TRIP12: variants seen among roughly 807,000 people sequenced by gnomAD.
TRIP12 encodes the protein E3 ubiquitin-protein ligase TRIP12.
TRIP12 carries 25 observed loss-of-function variants against 244.2 expected under a neutral mutation model. That is an observed-to-expected ratio of 0.10 (90% CI 0.07 to 0.14). The LOEUF (loss-of-function observed/expected upper bound fraction) is 0.14, where lower values mean the gene tolerates loss of function less well. Among genes scored for constraint, TRIP12 ranks in the 10% least tolerant of loss-of-function variants. TRIP12 has a pLI of 1.00. For missense variants in TRIP12, 1,677 were observed against 2,486.4 expected, an observed-to-expected ratio of 0.67 and a Z score of 6.92; for synonymous variants, 905 against 873.1, an observed-to-expected ratio of 1.04 and a Z score of -0.64.
At chr2:229,777,518 G>A (rs2036641865) in intron 36 of TRIP12, 39 bp from the exon 37 acceptor site, 2 of 1,605,878 alleles carry the variant, frequency 1.2e-6, no homozygotes, top group Admixed American at 1.7e-5. Context: ...CTGTCACACT[G>A]AACTTCCAGC....
At position 229,788,862 on chromosome 2, in the gene TRIP12, G is replaced by T; in HGVS notation, c.4774C>A (p.Gln1592Lys). ...CCTGTCATGATTACTAAAGGATCTT[G>T]AAGTTGCCTATTTGCTTTTGCTGTT... ...KLTAKANRQL[Q>K]DPLVIMTGNI... Residue 1592 changes from glutamine (Q) to lysine (K), a missense_variant, in exon 32 of 42, where the codon CAA becomes AAA. Physicochemically the swap from Gln to Lys is moderately conservative, Grantham distance 53 (BLOSUM62 1). This residue lies in a region of TRIP12 where 265 missense variants were observed against 370.8 expected (regional missense o/e 0.71). Coordinates refer to ENST00000675903, the MANE Select transcript of TRIP12 (RefSeq NM_001348323.3). 1 of 1,613,864 alleles carries T rather than the reference G, an allele frequency of 6.2e-7. No homozygotes were observed. Among genetic ancestry groups the T allele is most frequent in the Non-Finnish European group, 8.5e-7 (1 of 1,179,958 alleles).
chr2:229,834,465 C>T (rs530020447), intron 6 of TRIP12, among the ~76,000 whole-genome samples: 11 of 152,164 alleles, frequency 7.2e-5, no homozygotes, highest in Non-Finnish European at 1.5e-4. Flanking sequence ...TCCAAATCTA[C>T]GAATGCATAG....
intron 34 of TRIP12, among the ~76,000 whole-genome samples, chr2:229,782,239 ATC>A (rs144481275): frequency 0.011 from 1,643 of 152,070 alleles, 13 homozygotes; most frequent in Admixed American, 0.023. Context: ...AAAAATCCGT[ATC>A]TCTTATGCCA....
In TRIP12 at chr2:229,805,222, AAAC is replaced by A. The variant is rs1297499840; in HGVS notation, c.2650+505_2650+507del. On this transcript the variant is annotated intron_variant, in intron 18 of 41. Coordinates refer to ENST00000675903, the MANE Select transcript of TRIP12 (RefSeq NM_001348323.3). Reference sequence around the variant, plus strand: ...GCCCAGCACTACCTGGCCCTTTTCAAAACAACAACAACAACAACAACAACAAAA... The same window carrying A: ...GCCCAGCACTACCTGGCCCTTTTCAAAACAACAACAACAACAACAACAAAA... Among the ~76,000 whole-genome samples, 938 of 149,476 alleles carry A rather than the reference AAAC, an allele frequency of 6.3e-3. 9 individuals are homozygous for A. The highest frequency in any genetic ancestry group is 0.022 in the African/African-American group (877 of 40,448).
At chr2:229,872,129 AAAAG>A (rs1218829293) in intron 2 of TRIP12, among the ~76,000 whole-genome samples, 7 of 149,158 alleles carry the variant, frequency 4.7e-5, no homozygotes, top group African/African-American at 1.7e-4. Flanking sequence ...AAAAAAAAAA[AAAAG>A]AAGCCTATAT....
rs1401043480 is a variant in TRIP12, at chr2:229,873,052, T to C, written c.98+6930A>G. On this transcript the variant is annotated intron_variant, in intron 2 of 41. Transcript: ENST00000675903. ...AAAAAAATAATAGAAGGAGACTGCA[T>C]CAAAAATTATTCTCAGCCAGACTCA... 3.9e-5 allele frequency among the ~76,000 whole-genome samples: 6 copies of C among 152,284 alleles called. No individual in the cohort carries two copies. In the East Asian group the frequency reaches 5.8e-4, roughly 15 times the overall value.
chr2:229,879,486 A>G (rs990780307), intron 2 of TRIP12, among the ~76,000 whole-genome samples: 1 of 152,240 alleles, frequency 6.6e-6, no homozygotes, highest in African/African-American at 2.4e-5. Context: ...CACTAAAAAC[A>G]TAAGACAACT....
chr2:229,855,102 C>T (rs1292954112), intron 4 of TRIP12, among the ~76,000 whole-genome samples: 1 of 152,010 alleles, frequency 6.6e-6, no homozygotes, highest in Non-Finnish European at 1.5e-5. Context: ...CATCTCTATA[C>T]TAAAATCACA....
chr2:229,774,829 T>TA (rs759853277), intron 37 of TRIP12, among the ~76,000 whole-genome samples: 580 of 132,996 alleles, frequency 4.4e-3, no homozygotes, highest in African/African-American at 6.1e-3. Context: ...CACTGTGATC[T>TA]AAAAAAAAAA....
At position 229,788,985 on chromosome 2, in the gene TRIP12, T is replaced by C. The variant is rs367647892; in HGVS notation, c.4696-45A>G. On this transcript the variant is annotated intron_variant, in intron 31 of 41. Transcript: ENST00000675903. ...AAAAAAGTCTACATGTAGTAAAATA[T>C]TAGGATTATATTCACAATCTCTTCC... The C allele has an allele frequency of 1.8e-5, 28 of 1,529,052 alleles. No homozygotes were observed. The African/African-American group carries it at 3.6e-4, about 20-fold the overall frequency. The allele number at this position is 1,529,052 out of a possible 1,614,324, so 94.7% of individuals were successfully genotyped here. A position where few individuals can be genotyped will look rare whatever the true frequency, so the allele number is the denominator to read the frequency against.
At chr2:229,796,520 C>T in intron 25 of TRIP12, 71 bp downstream of exon 25, 1 of 1,325,648 alleles carries the variant, frequency 7.5e-7, no homozygotes. Context: ...GAAATTATTA[C>T]TGAGATGAAA....
At chr2:229,907,023 A>G (rs182522236) in intron 1 of TRIP12, among the ~76,000 whole-genome samples, 36 of 152,306 alleles carry the variant, frequency 2.4e-4, no homozygotes, top group Non-Finnish European at 1.5e-5. Flanking sequence ...TAAGTGTGTA[A>G]TCTGGGTCAG....
chr2:229,766,800 A>G lies in TRIP12; in HGVS notation c.*754T>C, dbSNP rs1047621959. The G allele has an allele frequency of 6.6e-6, 1 of 152,222 alleles. No individual in the cohort carries two copies. The highest frequency in any genetic ancestry group is 6.5e-5 in the Admixed American group (1 of 15,282). 9.4% of individuals were successfully genotyped at this position (152,222 alleles called of 1,614,324 possible). A position where few individuals can be genotyped will look rare whatever the true frequency, so the allele number is the denominator to read the frequency against. ...GCTGTTGCTGCTGGAATTGCCATGT[A>G]AACAGTCCTTAGTGTGTCACCTGGG... On this transcript the variant is annotated 3_prime_UTR_variant, in exon 42 of 42. Transcript: ENST00000675903.
At chr2:229,803,544 A>AATGACT in intron 20 of TRIP12, 27 bp downstream of exon 20, 1 of 1,429,942 alleles carries the variant, frequency 7.0e-7, no homozygotes, top group Non-Finnish European at 9.8e-7. Flanking sequence ...ATCTAGACTA[A>AATGACT]ATGACTATTA....
At chr2:229,844,582 A>G (rs968460064) in intron 4 of TRIP12, among the ~76,000 whole-genome samples, 30 of 152,218 alleles carry the variant, frequency 2.0e-4, no homozygotes, top group Non-Finnish European at 4.3e-4. Context: ...ACCATGATAA[A>G]GTATTCTAGC....
chr2:229,829,949 AAAAC>A (rs1453771922), intron 7 of TRIP12, among the ~76,000 whole-genome samples: 1 of 152,234 alleles, frequency 6.6e-6, no homozygotes, highest in Non-Finnish European at 1.5e-5. Context: ...ATTCGGTCTC[AAAAC>A]AATCAAACAA....
intron 20 of TRIP12, 48 bp downstream of exon 20, chr2:229,803,523 G>A: frequency 8.1e-7 from 1 of 1,229,830 alleles, no homozygotes; most frequent in Non-Finnish European, 1.2e-6. Flanking sequence ...CTTTATTTCT[G>A]TTGAAGTACT....
intron 26 of TRIP12, 61 bp downstream of exon 26, chr2:229,795,118 C>T: frequency 6.4e-7 from 1 of 1,564,206 alleles, no homozygotes; most frequent in Non-Finnish European, 8.7e-7. Context: ...TGCCATCTTA[C>T]TTCAGTGAAA....
At chr2:229,791,382 G>T in intron 29 of TRIP12, 131 bp from the exon 30 acceptor site, 1 of 1,068,452 alleles carries the variant, frequency 9.4e-7, no homozygotes, top group Non-Finnish European at 1.3e-6. Context: ...TCCCTAGTGT[G>T]AATCTGGAGA....
Sources: allele counts gnomAD v4.1 joint callset (sites outside exome capture counted in the v4.1 genomes callset), GRCh38; gene constraint gnomAD v4.1.1; regional missense constraint gnomAD v4.1.1; transcripts MANE v1.5; gene names NCBI Gene and HGNC (gene_info 2026-07-23, HGNC 2026-07-21).